KDELR2: variants seen among roughly 807,000 people sequenced by gnomAD.
KDELR2 encodes KDEL endoplasmic reticulum protein retention receptor 2.
Under a neutral mutation model 23.9 loss-of-function variants are expected in KDELR2, and 15 were observed. The observed-to-expected ratio is 0.63, with a 90% CI of 0.42 to 0.97. KDELR2 has a LOEUF of 0.97. Among genes scored for constraint, KDELR2 ranks in the 50% least tolerant of loss-of-function variants. The pLI is 0.00. For missense variants in KDELR2, 272 were observed against 254.6 expected (o/e 1.07, Z -0.46); for synonymous variants, 119 against 106.2 (o/e 1.12, Z -0.74).
At chr7:6,481,369 A>C (rs2115335444) in intron 1 of KDELR2, among the ~76,000 whole-genome samples, 1 of 151,212 alleles carries the variant, frequency 6.6e-6, no homozygotes, top group African/African-American at 2.4e-5. Flanking sequence ...TCATCTCAAA[A>C]AAAAAAAAAA....
intron 1 of KDELR2, among the ~76,000 whole-genome samples, chr7:6,475,207 C>A (rs571947585): frequency 5.3e-5 from 8 of 152,266 alleles, no homozygotes; most frequent in African/African-American, 1.9e-4. Flanking sequence ...TATAGGGGGG[C>A]TAAGGCGGGA....
chr7:6,469,112 C>G (rs1011078304), intron 3 of KDELR2, among the ~76,000 whole-genome samples: 7 of 151,932 alleles, frequency 4.6e-5, no homozygotes, highest in Non-Finnish European at 1.0e-4. Context: ...CCACCATGCC[C>G]AGCTAATTTT....
At chr7:6,481,242 G>A (rs1000790395) in intron 1 of KDELR2, among the ~76,000 whole-genome samples, 1 of 151,672 alleles carries the variant, frequency 6.6e-6, no homozygotes, top group African/African-American at 2.4e-5. Flanking sequence ...GGTGGCAAGC[G>A]CCTGTAGTCC....
At chr7:6,475,951 G>A (rs184978701) in intron 1 of KDELR2, among the ~76,000 whole-genome samples, 1 of 152,218 alleles carries the variant, frequency 6.6e-6, no homozygotes, top group Admixed American at 6.5e-5. Flanking sequence ...TCACTCTGTT[G>A]CCCAGGCTGG....
chr7:6,464,535 A>C (rs1440750096), intron 4 of KDELR2, among the ~76,000 whole-genome samples: 1 of 151,638 alleles, frequency 6.6e-6, no homozygotes, highest in Non-Finnish European at 1.5e-5. Context: ...AAACAAAACA[A>C]AACAAAATTA....
At chr7:6,465,061 C>G (rs1785472010) in intron 4 of KDELR2, among the ~76,000 whole-genome samples, 1 of 148,912 alleles carries the variant, frequency 6.7e-6, no homozygotes, top group African/African-American at 2.4e-5. Context: ...CCTAGCAATT[C>G]CACCATTAGG....
chr7:6,471,735 T>C (rs952034466), intron 2 of KDELR2, among the ~76,000 whole-genome samples: 8 of 152,166 alleles, frequency 5.3e-5, no homozygotes, highest in South Asian at 2.1e-4. Context: ...CACCAGTTTG[T>C]TTATTCACTC....
At chr7:6,470,733 T>C (rs58885063) in intron 2 of KDELR2, among the ~76,000 whole-genome samples, 135,628 of 152,108 alleles carry the variant, frequency 0.89, 60,936 homozygotes, top group Non-Finnish European at 0.92. Context: ...CTTGATTTAA[T>C]CCGCCACCAC....
At chr7:6,472,163 A>C (rs1162003523) in intron 2 of KDELR2, among the ~76,000 whole-genome samples, 1 of 152,206 alleles carries the variant, frequency 6.6e-6, no homozygotes, top group African/African-American at 2.4e-5. Flanking sequence ...CTACATGCAT[A>C]AACAAGACAC....
At position 6,484,010 on chromosome 7, in the gene KDELR2, G is replaced by A. The variant is rs1389421753; in HGVS notation, c.48C>T (p.Ile16=). ...TCCAGATCTTCAGCAGCAGGATGACGATGGCCGCCAGGTGGGACAGGTCCC... is the reference window on the plus strand; with the variant it reads ...TCCAGATCTTCAGCAGCAGGATGACAATGGCCGCCAGGTGGGACAGGTCCC... The part of the protein sequence containing the change: ...LTGDLSHLAA[I]VILLLKIWKT... Residue 16 remains isoleucine, a synonymous_variant, in exon 1 of 5, where the codon ATC becomes ATT. Transcript: ENST00000258739. 19 of 1,529,604 alleles carry A rather than the reference G, an allele frequency of 1.2e-5. No homozygotes were observed. Among genetic ancestry groups the A allele is most frequent in the Non-Finnish European group, 1.6e-5 (18 of 1,136,042 alleles). The allele number at this position is 1,529,604 out of a possible 1,614,324, so 94.8% of individuals were successfully genotyped here.
At chr7:6,471,571 T>C (rs1785643284) in intron 2 of KDELR2, among the ~76,000 whole-genome samples, 1 of 152,194 alleles carries the variant, frequency 6.6e-6, no homozygotes, top group Admixed American at 6.5e-5. Flanking sequence ...AATTAGCCTA[T>C]GGTAAAACTG....
In KDELR2 at chr7:6,461,169, G is replaced by T. The variant is rs944663620; in HGVS notation, c.*1972C>A. 1.3e-5 allele frequency: 2 copies of T among 152,176 alleles called. No homozygotes were observed. Among genetic ancestry groups the T allele is most frequent in the African/African-American group, 4.8e-5 (2 of 41,432 alleles). 9.4% of individuals were successfully genotyped at this position (152,176 alleles called of 1,614,324 possible). A position where few individuals can be genotyped will look rare whatever the true frequency, so the allele number is the denominator to read the frequency against. On this transcript the variant is annotated 3_prime_UTR_variant, in exon 5 of 5. Coordinates refer to ENST00000258739, the MANE Select transcript of KDELR2 (RefSeq NM_006854.4). ...CATAAGGCGTGGCATACAAGGCCTTGGTTTCCAACGCCGGCGAGGATGAGG... is the reference window on the plus strand; with the variant it reads ...CATAAGGCGTGGCATACAAGGCCTTTGTTTCCAACGCCGGCGAGGATGAGG...
intron 1 of KDELR2, among the ~76,000 whole-genome samples, chr7:6,479,839 A>G (rs1785850099): frequency 6.6e-6 from 1 of 152,248 alleles, no homozygotes. Context: ...TGCCTTGCAC[A>G]TAGTGGGTGG....
At chr7:6,467,851 G>A (rs141709454) in intron 3 of KDELR2, among the ~76,000 whole-genome samples, 6 of 152,284 alleles carry the variant, frequency 3.9e-5, no homozygotes, top group Admixed American at 2.6e-4. Flanking sequence ...AAGCAGCACC[G>A]TTTGCCTGTT....
chr7:6,466,313 G>T lies in KDELR2; in HGVS notation c.362C>A (p.Thr121Asn). ...HDFSPLEILW[T>N]FSIYLESVAI... ...CACGGACTCCAGGTAGATGGAGAAG[G>T]TCCAGAGGATCTGGAAGAGAAATGG... The change falls in exon 4 of 5, where the codon ACC becomes AAC. Residue 121 changes from threonine (T) to asparagine (N), a missense_variant. By Grantham distance (65) the Thr-to-Asn change is moderately conservative (BLOSUM62 0). Coordinates refer to ENST00000258739, the MANE Select transcript of KDELR2 (RefSeq NM_006854.4). The T allele has an allele frequency of 1.9e-6, 3 of 1,613,730 alleles. No individual in the cohort carries two copies. In the South Asian group the frequency reaches 3.3e-5, roughly 18 times the overall value.
intron 2 of KDELR2, among the ~76,000 whole-genome samples, chr7:6,473,739 C>T (rs57533088): frequency 0.014 from 2,149 of 152,240 alleles, 56 homozygotes; most frequent in African/African-American, 0.05. Context: ...AGATAGAAGC[C>T]TATAGACAGT....
Position 6,466,307 on chromosome 7 carries a change from G to A in KDELR2, c.368C>T (p.Ser123Phe). Residue 123 changes from serine (S) to phenylalanine (F), a missense_variant, in exon 4 of 5, where the codon TCC (serine) becomes TTC (phenylalanine). By Grantham distance (155) the Ser-to-Phe change is radical. Coordinates refer to ENST00000258739, the MANE Select transcript of KDELR2 (RefSeq NM_006854.4). ...GATAGCCACGGACTCCAGGTAGATG[G>A]AGAAGGTCCAGAGGATCTGGAAGAG... ...FSPLEILWTF[S>F]IYLESVAILP... 6.2e-7 allele frequency: 1 copy of A among 1,613,974 alleles called. No individual in the cohort carries two copies. Among genetic ancestry groups the A allele is most frequent in the Non-Finnish European group, 8.5e-7 (1 of 1,180,020 alleles).
intron 1 of KDELR2, among the ~76,000 whole-genome samples, chr7:6,477,203 A>G (rs1412612813): frequency 2.0e-5 from 3 of 152,346 alleles, no homozygotes; most frequent in African/African-American, 7.2e-5. Flanking sequence ...AAGCCGGTCC[A>G]TGGAGTAGCG....
intron 1 of KDELR2, among the ~76,000 whole-genome samples, chr7:6,481,178 G>A (rs548983343): frequency 7.8e-4 from 119 of 152,172 alleles, no homozygotes; most frequent in Middle Eastern, 6.8e-3. Flanking sequence ...AGACCAGCCT[G>A]GCCAACATGG....
Sources: allele counts gnomAD v4.1 joint callset (sites outside exome capture counted in the v4.1 genomes callset), GRCh38; gene constraint gnomAD v4.1.1; transcripts MANE v1.5; gene names NCBI Gene and HGNC (gene_info 2026-07-23, HGNC 2026-07-21).